Variants in ADGRB3 observed in about 807,000 individuals in gnomAD.
ADGRB3 encodes the protein brain-specific angiogenesis inhibitor 3.
Under a neutral mutation model 193.4 loss-of-function variants are expected in ADGRB3, and 37 were observed. The ratio of observed to expected loss-of-function variants is 0.19; its 90% CI spans 0.15 to 0.25. The LOEUF (loss-of-function observed/expected upper bound fraction) is 0.25. Among genes scored for constraint, ADGRB3 ranks in the 10% least tolerant of loss-of-function variants. The pLI, the probability that ADGRB3 is intolerant of heterozygous loss-of-function variation, is 1.00. For synonymous variants in ADGRB3, 690 were observed against 644.2 expected (o/e 1.07, Z -1.08); for missense variants, 1,637 against 1,852.9 (o/e 0.88, Z 2.14).
chr6:68,721,643 TATATATATATATA>T (rs1471428089), intron 3 of ADGRB3, among the ~76,000 whole-genome samples: 1 of 146,722 alleles, frequency 6.8e-6, no homozygotes, highest in Non-Finnish European at 1.5e-5. Flanking sequence ...TATATATATA[TATATATATATATA>T]AATTATCATC....
intron 3 of ADGRB3, among the ~76,000 whole-genome samples, chr6:68,859,175 T>A (rs996914999): frequency 6.6e-6 from 1 of 151,994 alleles, no homozygotes; most frequent in Admixed American, 6.6e-5. Context: ...AGTCTCTTTG[T>A]ATAGCAAGCA....
chr6:69,379,472 C>T (rs987594242), intron 30 of ADGRB3, among the ~76,000 whole-genome samples: 1 of 152,024 alleles, frequency 6.6e-6, no homozygotes, highest in African/African-American at 2.4e-5. Context: ...CAAATAAATA[C>T]TCACACAAGT....
Position 68,962,429 on chromosome 6 carries a change from G to C in ADGRB3, c.1525+5620G>C, listed in dbSNP as rs796454099. 2.0e-5 allele frequency among the ~76,000 whole-genome samples: 3 copies of C among 152,082 alleles called. No individual in the cohort carries two copies. The South Asian group carries it at 6.2e-4, about 32-fold the overall frequency. On this transcript the variant is annotated intron_variant, in intron 8 of 31. Coordinates refer to ENST00000370598, the MANE Select transcript of ADGRB3 (RefSeq NM_001704.3). The stretch of plus-strand genomic sequence containing the variant: ...CCCATTATTCAAACCTGTTGCTATG[G>C]AGATAATTATTGTCATAATTCATTT...
chr6:69,117,328 T>C (rs1230658647), intron 17 of ADGRB3, among the ~76,000 whole-genome samples: 19 of 152,230 alleles, frequency 1.2e-4, no homozygotes, highest in Admixed American at 1.2e-3. Flanking sequence ...ATATTGACAT[T>C]CTCAACAGTA....
At chr6:69,353,215 T>C (rs1264134838) in intron 26 of ADGRB3, among the ~76,000 whole-genome samples, 1 of 152,244 alleles carries the variant, frequency 6.6e-6, no homozygotes, top group African/African-American at 2.4e-5. Flanking sequence ...ACTTGTTTTT[T>C]AACAAAAGAA....
At chr6:69,299,321 G>T (rs1204139362) in intron 20 of ADGRB3, among the ~76,000 whole-genome samples, 2 of 151,686 alleles carry the variant, frequency 1.3e-5, no homozygotes, top group African/African-American at 4.8e-5. Context: ...GGTATGGGTA[G>T]TTGGCAAATA....
intron 24 of ADGRB3, among the ~76,000 whole-genome samples, chr6:69,338,686 T>C (rs1470922853): frequency 6.6e-6 from 1 of 152,176 alleles, no homozygotes; most frequent in Non-Finnish European, 1.5e-5. Context: ...CCACTTATGG[T>C]GTAATGATGG....
At chr6:69,265,892 GT>G (rs1767029580) in intron 20 of ADGRB3, among the ~76,000 whole-genome samples, 4 of 151,938 alleles carry the variant, frequency 2.6e-5, no homozygotes, top group African/African-American at 9.7e-5. Context: ...CAAGGAAAAT[GT>G]AGTTTGTTTA....
intron 3 of ADGRB3, among the ~76,000 whole-genome samples, chr6:68,786,578 C>G (rs1482358456): frequency 6.6e-6 from 1 of 152,158 alleles, no homozygotes; most frequent in African/African-American, 2.4e-5. Context: ...AGTTTGAATT[C>G]AGGTAGCATG....
intron 20 of ADGRB3, among the ~76,000 whole-genome samples, chr6:69,301,666 A>G (rs1338291277): frequency 6.6e-6 from 1 of 151,976 alleles, no homozygotes; most frequent in Non-Finnish European, 1.5e-5. Context: ...GATATGTACC[A>G]TAGATTGAGG....
chr6:69,017,203 G>A (rs982730147), intron 12 of ADGRB3, among the ~76,000 whole-genome samples: 2 of 151,816 alleles, frequency 1.3e-5, no homozygotes, highest in Non-Finnish European at 2.9e-5. Context: ...TTTTTAGACG[G>A]GCACAACCGC....
chr6:68,673,471 G>C (rs925788803), intron 3 of ADGRB3, among the ~76,000 whole-genome samples: 1 of 151,978 alleles, frequency 6.6e-6, no homozygotes, highest in African/African-American at 2.4e-5. Flanking sequence ...GTTATTCTCA[G>C]ATTATCTTGC....
At position 69,388,399 on chromosome 6, in the gene ADGRB3, T is replaced by G. The variant is rs76105725; in HGVS notation, c.4381-304T>G. ...TAACTCTCCTTCCTACTTCAACATA[T>G]GGTCATACTGACAATTCACAACATG... On this transcript the variant is annotated intron_variant, in intron 31 of 31. Transcript: ENST00000370598. Among the ~76,000 whole-genome samples the G allele has an allele frequency of 9.1e-4, 139 of 152,232 alleles. 4 individuals carry two copies. In the East Asian group the frequency reaches 0.024, roughly 27 times the overall value.
chr6:69,192,225 T>G (rs541911742), intron 17 of ADGRB3, among the ~76,000 whole-genome samples: 6 of 152,292 alleles, frequency 3.9e-5, no homozygotes, highest in South Asian at 2.1e-4. Context: ...AAGCCAACAG[T>G]GCAGCCTTCA....
intron 3 of ADGRB3, among the ~76,000 whole-genome samples, chr6:68,720,014 G>T (rs1353689004): frequency 1.3e-5 from 2 of 151,670 alleles, no homozygotes; most frequent in Non-Finnish European, 2.9e-5. Flanking sequence ...AATTACCATT[G>T]TTCCACTTGC....
intron 20 of ADGRB3, among the ~76,000 whole-genome samples, chr6:69,299,448 G>A (rs1767904774): frequency 6.6e-6 from 1 of 151,812 alleles, no homozygotes; most frequent in African/African-American, 2.4e-5. Context: ...CTTACAGGGT[G>A]TTAAGAAATC....
chr6:68,687,628 A>G (rs1294681569), intron 3 of ADGRB3, among the ~76,000 whole-genome samples: 1 of 152,200 alleles, frequency 6.6e-6, no homozygotes, highest in Non-Finnish European at 1.5e-5. Flanking sequence ...ATTAGCCAGC[A>G]TTCATTCATT....
At chr6:69,014,277 G>T (rs1770026669) in intron 12 of ADGRB3, among the ~76,000 whole-genome samples, 171 bp downstream of exon 12, 1 of 151,916 alleles carries the variant, frequency 6.6e-6, no homozygotes, top group Non-Finnish European at 1.5e-5. Context: ...CAGTCTGGAA[G>T]GAATATTTAT....
chr6:68,870,666 T>G (rs2150219559), intron 3 of ADGRB3, among the ~76,000 whole-genome samples: 1 of 152,288 alleles, frequency 6.6e-6, no homozygotes, highest in East Asian at 1.9e-4. Context: ...TCAGTCTGCA[T>G]GGGTTCAAAT....
Sources: allele counts gnomAD v4.1 joint callset (sites outside exome capture counted in the v4.1 genomes callset), GRCh38; gene constraint gnomAD v4.1.1; transcripts MANE v1.5; gene names NCBI Gene and HGNC (gene_info 2026-07-23, HGNC 2026-07-21).